The following HIVEP2 variants were observed in gnomAD, a reference collection of about 807,000 sequenced individuals.
HIVEP2 encodes HIVEP zinc finger 2.
HIVEP2 carries 14 observed loss-of-function variants against 180.7 expected under a neutral mutation model. That is an observed-to-expected ratio of 0.08 (90% confidence interval 0.05 to 0.12). The LOEUF (loss-of-function observed/expected upper bound fraction) is 0.12, where lower values mean the gene tolerates loss of function less well. HIVEP2 is among the 10% of genes least tolerant of loss of function. HIVEP2 has a pLI of 1.00. For synonymous variants in HIVEP2, 1,184 were observed against 1,136.4 expected (o/e 1.04, Z -0.84); for missense variants, 2,579 against 3,008.5 (o/e 0.86, Z 3.34).
chr6:142,825,819 GA>G (rs1774880108), intron 2 of HIVEP2, among the ~76,000 whole-genome samples: 1 of 151,974 alleles, frequency 6.6e-6, no homozygotes, highest in Non-Finnish European at 1.5e-5. Flanking sequence ...TGCCAATAAT[GA>G]ATTTAATTAA....
chr6:142,894,552 C>T (rs1223436324), intron 1 of HIVEP2, among the ~76,000 whole-genome samples: 1 of 152,102 alleles, frequency 6.6e-6, no homozygotes, highest in Non-Finnish European at 1.5e-5. Context: ...CCCTATTTTA[C>T]ATAATAATTT....
intron 1 of HIVEP2, among the ~76,000 whole-genome samples, chr6:142,931,202 T>G (rs1777935727): frequency 1.3e-5 from 2 of 151,950 alleles, no homozygotes; most frequent in South Asian, 4.2e-4. Flanking sequence ...AGAGCTCAAG[T>G]AGGAATTTTT....
At chr6:142,795,666 A>G (rs1776261756) in intron 2 of HIVEP2, among the ~76,000 whole-genome samples, 2 of 152,220 alleles carry the variant, frequency 1.3e-5, no homozygotes, top group Non-Finnish European at 2.9e-5. Context: ...AATACAATAT[A>G]GAGAAGAAAA....
rs572980417 is a variant in HIVEP2 at position 142,761,937 on chromosome 6, C to T, written c.5519-372G>A. ...CCTGGGACTCCACAGAAACAGGAAACGCAATCTGGCCACACACCTCAGAGA... is the reference window on the plus strand; with the variant it reads ...CCTGGGACTCCACAGAAACAGGAAATGCAATCTGGCCACACACCTCAGAGA... On this transcript the variant is annotated intron_variant, in intron 7 of 9. Transcript: ENST00000367603. 4.6e-5 allele frequency among the ~76,000 whole-genome samples: 7 copies of T among 152,314 alleles called. No individual in the cohort carries two copies. In the South Asian group the frequency reaches 6.2e-4, roughly 14 times the overall value.
intron 1 of HIVEP2, among the ~76,000 whole-genome samples, chr6:142,873,788 TA>T (rs1254037069): frequency 6.6e-6 from 1 of 152,170 alleles, no homozygotes; most frequent in African/African-American, 2.4e-5. Context: ...AACATATTCA[TA>T]AAAAGAATAG....
chr6:142,878,594 G>A (rs745802109), intron 1 of HIVEP2, among the ~76,000 whole-genome samples: 22 of 152,190 alleles, frequency 1.4e-4, no homozygotes, highest in Non-Finnish European at 3.1e-4. Flanking sequence ...TTCCATATGA[G>A]ACAAGCAGGC....
chr6:142,867,455 C>T (rs572661281), intron 1 of HIVEP2, among the ~76,000 whole-genome samples: 5 of 152,270 alleles, frequency 3.3e-5, no homozygotes, highest in African/African-American at 9.6e-5. Flanking sequence ...TTCTACAAGC[C>T]AGTTGTTATC....
intron 1 of HIVEP2, among the ~76,000 whole-genome samples, chr6:142,934,202 G>T (rs1264476997): frequency 1.3e-5 from 2 of 152,054 alleles, no homozygotes; most frequent in East Asian, 3.8e-4. Flanking sequence ...ACTTAGTGTT[G>T]CTTCACACAC....
Position 142,756,377 on chromosome 6 carries a change from C to G in HIVEP2, c.6517-2446G>C, listed in dbSNP as rs144957249. On this transcript the variant is annotated intron_variant, in intron 9 of 9. Transcript: ENST00000367603. ...TCAAAACAGTCCTGTCCTGAAGGTG[C>G]TGACATGCCAGCAGGAGGCTTGTCT... is the stretch of plus-strand genomic sequence containing the variant. 3.0e-3 allele frequency among the ~76,000 whole-genome samples: 460 copies of G among 152,284 alleles called. 4 individuals are homozygous for G. Among genetic ancestry groups the G allele is most frequent in the African/African-American group, 0.01 (431 of 41,560 alleles).
intron 3 of HIVEP2, among the ~76,000 whole-genome samples, chr6:142,776,782 C>T (rs1478915446): frequency 6.6e-6 from 1 of 152,208 alleles, no homozygotes; most frequent in East Asian, 1.9e-4. Flanking sequence ...ATCTGCCCAT[C>T]TTGGCCTCCC....
At chr6:142,916,058 T>A (rs1777542367) in intron 1 of HIVEP2, among the ~76,000 whole-genome samples, 1 of 152,192 alleles carries the variant, frequency 6.6e-6, no homozygotes, top group Admixed American at 6.5e-5. Flanking sequence ...CTACAGGTAC[T>A]ATCAAGCCCT....
intron 1 of HIVEP2, among the ~76,000 whole-genome samples, chr6:142,923,330 CAA>C (rs1160261854): frequency 8.5e-6 from 1 of 118,324 alleles, no homozygotes; most frequent in Non-Finnish European, 1.8e-5. Context: ...GACTCCGTCT[CAA>C]AAAAAAAAAA....
rs771840572 is a variant in HIVEP2 at position 142,773,337 on chromosome 6, C to T, written c.1402G>A (p.Val468Ile). 3.7e-6 allele frequency: 6 copies of T among 1,614,212 alleles called. No homozygotes were observed. In the South Asian group the frequency reaches 6.6e-5, roughly 18 times the overall value. Residue 468 changes from valine to isoleucine, a missense_variant, in exon 5 of 10, where the codon GTC (valine) becomes ATC (isoleucine). Val to Ile is a conservative substitution (Grantham distance 29, BLOSUM62 3). Transcript: ENST00000367603. ...GAAACAGGATCTTCAAACATCTTGA[C>T]ATCTAACCTGGTGTTAACGTGAGGT... Reference protein sequence around the residue: ...PLPHVNTRLDVKMFEDPVSQL... With the variant: ...PLPHVNTRLDIKMFEDPVSQL...
intron 1 of HIVEP2, among the ~76,000 whole-genome samples, chr6:142,937,253 T>C (rs1446505971): frequency 6.6e-6 from 1 of 152,244 alleles, no homozygotes; most frequent in Non-Finnish European, 1.5e-5. Context: ...TCTTAAACCA[T>C]TTCAGTCAAG....
intron 2 of HIVEP2, among the ~76,000 whole-genome samples, chr6:142,816,581 C>T (rs887519654): frequency 1.1e-4 from 16 of 152,290 alleles, no homozygotes; most frequent in African/African-American, 3.8e-4. Flanking sequence ...CCATCCCCTG[C>T]GTCTGGCATT....
chr6:142,898,021 C>T (rs1005507953), intron 1 of HIVEP2, among the ~76,000 whole-genome samples: 2 of 152,118 alleles, frequency 1.3e-5, no homozygotes, highest in Non-Finnish European at 2.9e-5. Context: ...CACCTCAGCC[C>T]CACTGATTTT....
At chr6:142,783,689 C>T (rs1775913713) in intron 2 of HIVEP2, 74 bp from the exon 3 acceptor site, 1 of 151,468 alleles carries the variant, frequency 6.6e-6, no homozygotes, top group African/African-American at 2.4e-5. Flanking sequence ...CATTCTTCTT[C>T]ACTCACAGAA....
In HIVEP2 at chr6:142,837,481, T is replaced by C. The variant is rs76334556; in HGVS notation, c.-640-434A>G. 4.0e-3 allele frequency among the ~76,000 whole-genome samples: 603 copies of C among 152,196 alleles called. 4 individuals carry two copies. Among genetic ancestry groups the C allele is most frequent in the African/African-American group, 0.014 (563 of 41,554 alleles). ...GCCATTAAGCCCTAGCTACATGCAATCTCTGTTGAGAAATAGAAACTAATA... is the reference window on the plus strand; with the variant it reads ...GCCATTAAGCCCTAGCTACATGCAACCTCTGTTGAGAAATAGAAACTAATA... On this transcript the variant is annotated intron_variant, in intron 1 of 9. Transcript: ENST00000367603.
intron 1 of HIVEP2, among the ~76,000 whole-genome samples, chr6:142,938,290 T>C (rs1020613455): frequency 6.6e-6 from 1 of 152,224 alleles, no homozygotes; most frequent in Non-Finnish European, 1.5e-5. Context: ...TTTCTAACAA[T>C]TAAGCAGTAT....
Sources: gnomAD v4.1 joint callset for allele counts (sites outside exome capture counted in the v4.1 genomes callset) on GRCh38, gnomAD v4.1.1 for gene constraint, MANE v1.5 for transcripts, NCBI Gene and HGNC (gene_info 2026-07-23, HGNC 2026-07-21) for gene names.